The following RYR1 variants were observed in gnomAD, a reference collection of about 807,000 sequenced individuals.
RYR1 encodes ryanodine receptor 1.
Under a neutral mutation model 583.5 loss-of-function variants are expected in RYR1, and 342 were observed. The ratio of observed to expected loss-of-function variants is 0.59; its 90% CI spans 0.54 to 0.64. The LOEUF (loss-of-function observed/expected upper bound fraction) is 0.64, where lower values mean the gene tolerates loss of function less well. Ranked by LOEUF, RYR1 falls within the 30% of genes least tolerant of loss-of-function variation. The probability of loss-of-function intolerance (pLI) is 0.00; values close to 1 mark genes in which losing one functional copy is unlikely to be tolerated. For missense variants in RYR1, 6,032 were observed against 6,917.2 expected (o/e 0.87, Z 4.54); for synonymous variants, 2,791 against 2,822.5 (o/e 0.99, Z 0.35).
chr19:38,535,783 G>A, intron 81 of RYR1: 2 of 631,426 alleles, frequency 3.2e-6, no homozygotes, highest in Non-Finnish European at 5.7e-6. Context: ...GTGGTTTCTG[G>A]TTCCTCATTA....
intron 19 of RYR1, 62 bp from the exon 20 acceptor site, chr19:38,460,313 C>G: frequency 6.8e-7 from 1 of 1,480,920 alleles, no homozygotes; most frequent in Non-Finnish European, 9.4e-7. Context: ...ATGTCCCCCA[C>G]TGACCACAGA....
chr19:38,496,852 CCCTGCAGG>C lies in RYR1; in HGVS notation c.6797-6_6798del, dbSNP rs1568497199. ...GTGAGATGTTCTCCCCACCTCTCGC[CCCTGCAGG>C]CATGCAGGGCTCCACGCCCCTGGAC... On this transcript the variant is annotated splice_acceptor_variant and splice_polypyrimidine_tract_variant and coding_sequence_variant and intron_variant, in exon 42 of 106. Coordinates refer to ENST00000359596, the MANE Select transcript of RYR1 (RefSeq NM_000540.3). LOFTEE classifies it high-confidence loss of function. The surrounding 1 kb of genome is among the most constrained non-coding windows in gnomAD (Gnocchi z 4.8). The C allele has an allele frequency of 6.2e-7, 1 of 1,611,672 alleles. No homozygotes were observed. Among genetic ancestry groups the C allele is most frequent in the Admixed American group, 1.7e-5 (1 of 60,020 alleles).
Position 38,511,483 on chromosome 19 carries a change from T to C in RYR1, c.9123-78T>C, listed in dbSNP as rs376099846. 7.9e-5 allele frequency: 115 copies of C among 1,451,486 alleles called. 1 individual carries two copies. In the East Asian group the frequency reaches 8.2e-4, roughly 10 times the overall value. The allele number at this position is 1,451,486 out of a possible 1,614,324, so 89.9% of individuals were successfully genotyped here. On this transcript the variant is annotated intron_variant, in intron 60 of 105. Transcript: ENST00000359596. Reference sequence around the variant, plus strand: ...TCTTCTCTGTCCCTGTCTCCTCTAATTGGGTCACGCTGTCCTCGTCTCCTT... The same window carrying C: ...TCTTCTCTGTCCCTGTCTCCTCTAACTGGGTCACGCTGTCCTCGTCTCCTT...
At position 38,502,986 on chromosome 19, in the gene RYR1, C is replaced by T. The variant is rs1970265575; in HGVS notation, c.7926+16C>T. 3 of 1,605,718 alleles carry T rather than the reference C, an allele frequency of 1.9e-6. No individual in the cohort carries two copies. Among genetic ancestry groups the T allele is most frequent in the South Asian group, 1.1e-5 (1 of 91,018 alleles). On this transcript the variant is annotated intron_variant, in intron 49 of 105. Coordinates refer to ENST00000359596, the MANE Select transcript of RYR1 (RefSeq NM_000540.3). ...GCCACTCAAGGTGAGGGCAAGCGCT[C>T]TTTAGCATCTCATTTCCAGGCCGCA...
Position 38,446,519 on chromosome 19 carries a change from G to A in RYR1, c.679G>A (p.Asp227Asn), listed in dbSNP as rs1730402018. 2 of 1,614,082 alleles carry A rather than the reference G, an allele frequency of 1.2e-6. No individual in the cohort carries two copies. Among genetic ancestry groups the A allele is most frequent in the Non-Finnish European group, 1.7e-6 (2 of 1,180,048 alleles). ...HVLRLFHGHM[D>N]ECLTISPADS... ...CCTCCGCCTCTTTCATGGACATATG[G>A]ATGAGTGTCTGACCATTTCCCCTGC... Residue 227 changes from aspartate (D) to asparagine (N), a missense_variant, in exon 8 of 106, where the codon GAT becomes AAT. By Grantham distance (23) the Asp-to-Asn change is conservative (BLOSUM62 1). Transcript: ENST00000359596.
At chr19:38,453,904 G>T (rs1040569162) in intron 13 of RYR1, among the ~76,000 whole-genome samples, 5 of 152,082 alleles carry the variant, frequency 3.3e-5, no homozygotes, top group African/African-American at 1.2e-4. Context: ...AGGAGGTTTT[G>T]GTCCTCTACA....
chr19:38,455,967 G>GTTTT lies in RYR1; in HGVS notation c.1791+235_1791+238dup, dbSNP rs201725585. Among the ~76,000 whole-genome samples the GTTTT allele has an allele frequency of 1.6e-3, 176 of 108,468 alleles. 2 individuals are homozygous for GTTTT. Among genetic ancestry groups the GTTTT allele is most frequent in the African/African-American group, 3.3e-3 (86 of 26,196 alleles). 71.2% of individuals were successfully genotyped at this position (108,468 alleles called of 152,430 possible). A position where few individuals can be genotyped will look rare whatever the true frequency, so the allele number is the denominator to read the frequency against. On this transcript the variant is annotated intron_variant, in intron 16 of 105. Transcript: ENST00000359596. Reference sequence around the variant, plus strand: ...ATGTGCTTGGTTAGATCTCTGAAATGTTTTTTTTTTTTTTTTTTTTTTGAG... The same window carrying GTTTT: ...ATGTGCTTGGTTAGATCTCTGAAATGTTTTTTTTTTTTTTTTTTTTTTTTTTGAG...
At chr19:38,558,810 T>C (rs1005289416) in intron 89 of RYR1, among the ~76,000 whole-genome samples, 1 of 129,944 alleles carries the variant, frequency 7.7e-6, no homozygotes, top group African/African-American at 2.9e-5. Context: ...AAAAAAATAG[T>C]CCAGGTGTGG....
Position 38,512,196 on chromosome 19 carries a change from T to C in RYR1, c.9234-49T>C. Reference sequence around the variant, plus strand: ...CGGGCCCCCACCCCAACCCCTGGTCTCCTAGACTCTCCGATTCCAGAGCTG... The same window carrying C: ...CGGGCCCCCACCCCAACCCCTGGTCCCCTAGACTCTCCGATTCCAGAGCTG... On this transcript the variant is annotated intron_variant, in intron 62 of 105. Coordinates refer to ENST00000359596, the MANE Select transcript of RYR1 (RefSeq NM_000540.3). This position sits in a 1 kb window ranked among gnomAD's most constrained non-coding sequence, Gnocchi z 5.1. 1 of 1,613,888 alleles carries C rather than the reference T, an allele frequency of 6.2e-7. No homozygotes were observed. Among genetic ancestry groups the C allele is most frequent in the East Asian group, 2.2e-5 (1 of 44,890 alleles).
rs1432198888 is a variant in RYR1, at chr19:38,565,315, G to C, written c.12981G>C (p.Glu4327Asp). The change falls in exon 91 of 106, where the codon GAG becomes GAC. Residue 4327 changes from glutamate to aspartate, a missense_variant. Physicochemically the swap from Glu to Asp is conservative, Grantham distance 45. Transcript: ENST00000359596. The surrounding 1 kb of genome is among the most constrained non-coding windows in gnomAD (Gnocchi z 4.7). ...GGCTGCGGCGGCTTACGGCCCGCGAGGCGGCCACCGCAGTGGCGGCGCTGC... is the reference window on the plus strand; with the variant it reads ...GGCTGCGGCGGCTTACGGCCCGCGACGCGGCCACCGCAGTGGCGGCGCTGC... ...VRRLRRLTAR[E>D]AATAVAALLW... 4 of 1,150,300 alleles carry C rather than the reference G, an allele frequency of 3.5e-6. No homozygotes were observed. Among genetic ancestry groups the C allele is most frequent in the Non-Finnish European group, 2.1e-6 (2 of 936,326 alleles). The allele number at this position is 1,150,300 out of a possible 1,614,324, so 71.3% of individuals were successfully genotyped here. A position where few individuals can be genotyped will look rare whatever the true frequency, so the allele number is the denominator to read the frequency against.
At position 38,531,907 on chromosome 19, in the gene RYR1, GAACAAAATAAACA is replaced by G. The variant is rs532106852; in HGVS notation, c.11142-575_11142-563del. Among the ~76,000 whole-genome samples, 95 of 152,184 alleles carry G rather than the reference GAACAAAATAAACA, an allele frequency of 6.2e-4. 1 individual carries two copies. In the East Asian group the frequency reaches 0.015, roughly 24 times the overall value. On this transcript the variant is annotated intron_variant, in intron 76 of 105. Transcript: ENST00000359596. ...CCAACAGAGCAAGACCCTGTCTCAA[GAACAAAATAAACA>G]AACAAAACAACTCCCAGAATGGATT...
In RYR1 at chr19:38,527,717, C is replaced by T; in HGVS notation, c.10757C>T (p.Ala3586Val). Residue 3586 changes from alanine (A) to valine (V), a missense_variant, in exon 73 of 106, where the codon GCC becomes GTC. Around this residue, in one of 11 missense-constraint regions of RYR1, gnomAD observed 1,493 missense variants for 1,715.5 expected, o/e 0.87. Coordinates refer to ENST00000359596, the MANE Select transcript of RYR1 (RefSeq NM_000540.3). The stretch of plus-strand genomic sequence containing the variant: ...GGCGTCCCGGGTCGCGAGGAGGACG[C>T]CGATGACCCCGAGAAAATCGTGCGC... ...YRGVPGREED[A>V]DDPEKIVRRV... 6.2e-7 allele frequency: 1 copy of T among 1,614,116 alleles called. No individual in the cohort carries two copies. Among genetic ancestry groups the T allele is most frequent in the Non-Finnish European group, 8.5e-7 (1 of 1,180,032 alleles).
Position 38,561,515 on chromosome 19 carries a change from C to T in RYR1, c.12624+61C>T, listed in dbSNP as rs138998721. 5 of 1,495,908 alleles carry T rather than the reference C, an allele frequency of 3.3e-6. No individual in the cohort carries two copies. In the African/African-American group the frequency reaches 6.8e-5, roughly 20 times the overall value. The allele number at this position is 1,495,908 out of a possible 1,614,324, so 92.7% of individuals were successfully genotyped here. A position where few individuals can be genotyped will look rare whatever the true frequency, so the allele number is the denominator to read the frequency against. On this transcript the variant is annotated intron_variant, in intron 90 of 105. Coordinates refer to ENST00000359596, the MANE Select transcript of RYR1 (RefSeq NM_000540.3). This position sits in a 1 kb window ranked among gnomAD's most constrained non-coding sequence, Gnocchi z 4.8. ...GGGGCTTCGGGCATGCGGGTGCTCA[C>T]TTCCTGCACCCTCAGACCCCACGGG...
intron 13 of RYR1, 65 bp downstream of exon 13, chr19:38,453,079 G>T: frequency 3.2e-6 from 5 of 1,555,808 alleles, no homozygotes; most frequent in Non-Finnish European, 4.4e-6. Context: ...TGAGGGGCGG[G>T]GCCACGGCGC....
rs193922817 is a variant in RYR1 at position 38,500,863 on chromosome 19, C to T, written c.7487C>T (p.Pro2496Leu). ...VQPKMSASFV[P>L]DHKASMVLFL... ...CCAAAGATGTCAGCATCCTTCGTGC[C>T]GGACCACAAGGCGTCCATGGTGCTC... is the stretch of plus-strand genomic sequence containing the variant. Residue 2496 changes from proline to leucine, a missense_variant, in exon 47 of 106, where the codon CCG (proline) becomes CTG (leucine). By Grantham distance (98) the Pro-to-Leu change is moderately conservative. This residue lies in a region of RYR1 where 2,627 missense variants were observed against 2,961.3 expected (regional missense o/e 0.89). Transcript: ENST00000359596. This position sits in a 1 kb window ranked among gnomAD's most constrained non-coding sequence, Gnocchi z 5.9. The T allele has an allele frequency of 5.1e-5, 82 of 1,614,026 alleles. No individual in the cohort carries two copies. The East Asian group carries it at 8.9e-4, about 18-fold the overall frequency.
intron 105 of RYR1, 70 bp from the exon 106 acceptor site, chr19:38,587,255 A>AT: frequency 1.0e-6 from 1 of 979,136 alleles, no homozygotes; most frequent in Non-Finnish European, 1.6e-6. Context: ...CCTGTCTAAA[A>AT]ATATATATAT....
chr19:38,574,725 G>A (rs937028568), intron 96 of RYR1, among the ~76,000 whole-genome samples: 1 of 151,632 alleles, frequency 6.6e-6, no homozygotes, highest in African/African-American at 2.4e-5. Flanking sequence ...ATCAATCATC[G>A]CTCCACCCTC....
chr19:38,569,256 C>T (rs1343281101), intron 93 of RYR1, among the ~76,000 whole-genome samples: 1 of 152,134 alleles, frequency 6.6e-6, no homozygotes, highest in Non-Finnish European at 1.5e-5. Flanking sequence ...ATCCACCCGC[C>T]TTGGCCTCCC....
intron 20 of RYR1, 140 bp from the exon 21 acceptor site, chr19:38,463,283 T>G: frequency 1.4e-6 from 1 of 702,732 alleles, no homozygotes; most frequent in East Asian, 2.8e-5. Flanking sequence ...AGGCGAGGGA[T>G]GGGGAGCAGG....
Sources: gnomAD v4.1 joint callset for allele counts (sites outside exome capture counted in the v4.1 genomes callset) on GRCh38, gnomAD v4.1.1 for gene constraint, gnomAD v4.1.1 regional missense constraint, Gnocchi (gnomAD v3.1) non-coding constraint, MANE v1.5 for transcripts, NCBI Gene and HGNC (gene_info 2026-07-23, HGNC 2026-07-21) for gene names.